RHPN2: variants seen among roughly 807,000 people sequenced by gnomAD.
RHPN2 encodes the protein rhophilin-2.
A neutral mutation model predicts 79.0 loss-of-function variants in RHPN2; 40 were observed. The ratio of observed to expected loss-of-function variants is 0.51; its 90% CI spans 0.39 to 0.66. The LOEUF is 0.66. RHPN2 is among the 30% of genes least tolerant of loss of function. The pLI is 0.00. For missense variants in RHPN2, 686 were observed against 883.5 expected (o/e 0.78, Z 2.83); for synonymous variants, 285 against 363.5 (o/e 0.78, Z 2.46).
At chr19:33,000,725 A>C (rs1298447098) in intron 9 of RHPN2, among the ~76,000 whole-genome samples, 1 of 151,960 alleles carries the variant, frequency 6.6e-6, no homozygotes, top group African/African-American at 2.4e-5. Flanking sequence ...CCACTTCCCC[A>C]GCACCCTCCG....
chr19:33,032,585 A>T (rs1368027009), intron 2 of RHPN2, among the ~76,000 whole-genome samples: 1 of 152,120 alleles, frequency 6.6e-6, no homozygotes. Flanking sequence ...ACAAAGACCA[A>T]ATATTTATCT....
chr19:33,026,339 G>T (rs776137798), intron 3 of RHPN2, among the ~76,000 whole-genome samples, 165 bp downstream of exon 3: 1 of 151,914 alleles, frequency 6.6e-6, no homozygotes, highest in Non-Finnish European at 1.5e-5. Flanking sequence ...ATCCCTTCCA[G>T]TCTAGCACCT....
At position 32,995,960 on chromosome 19, in the gene RHPN2, A is replaced by G. The variant is rs1971696935; in HGVS notation, c.1420+66T>C. On this transcript the variant is annotated intron_variant, in intron 11 of 14. Transcript: ENST00000254260. ...CAGCGAGGGCTCGCTCAACCCCCAC[A>G]GGCCAGGCGTACTCTTTCCGCGGCA... 2.4e-5 allele frequency: 37 copies of G among 1,519,458 alleles called. 2 individuals are homozygous for G. In the South Asian group the frequency reaches 4.1e-4, roughly 17 times the overall value. The allele number at this position is 1,519,458 out of a possible 1,614,324, so 94.1% of individuals were successfully genotyped here. A position where few individuals can be genotyped will look rare whatever the true frequency, so the allele number is the denominator to read the frequency against.
At chr19:33,005,459 G>T (rs56964508) in intron 7 of RHPN2, among the ~76,000 whole-genome samples, 36,049 of 148,328 alleles carry the variant, frequency 0.24, 4,691 homozygotes, top group Non-Finnish European at 0.28. Flanking sequence ...CTGCTCCAAT[G>T]GAAATTTTCA....
intron 1 of RHPN2, among the ~76,000 whole-genome samples, chr19:33,044,934 G>A (rs1351824216): frequency 6.6e-6 from 1 of 152,064 alleles, no homozygotes; most frequent in Non-Finnish European, 1.5e-5. Context: ...CTCTAGGGCA[G>A]AGTTATAAGA....
At chr19:33,030,116 A>G (rs148943678) in intron 2 of RHPN2, among the ~76,000 whole-genome samples, 1,659 of 152,284 alleles carry the variant, frequency 0.011, 30 homozygotes, top group African/African-American at 0.038. Context: ...GAATGGTGAG[A>G]ACACTCGTAA....
intron 12 of RHPN2, 21 bp downstream of exon 12, chr19:32,993,956 T>C: frequency 3.8e-6 from 6 of 1,576,860 alleles, no homozygotes; most frequent in East Asian, 2.2e-5. Flanking sequence ...GTCATTTGAA[T>C]GTAGAGAGCA....
At chr19:33,045,039 CTGAG>C (rs1011273304) in intron 1 of RHPN2, among the ~76,000 whole-genome samples, 2 of 149,950 alleles carry the variant, frequency 1.3e-5, no homozygotes, top group African/African-American at 4.9e-5. Flanking sequence ...CTCACTGTTA[CTGAG>C]TATCTACTTT....
At chr19:33,058,547 C>CAAGGTGCGCGGATCACTT in intron 1 of RHPN2, among the ~76,000 whole-genome samples, 1 of 152,160 alleles carries the variant, frequency 6.6e-6, no homozygotes, top group East Asian at 1.9e-4. Flanking sequence ...TTTGGGAGGC[C>CAAGGTGCGCGGATCACTT]GAGGCAGGTG....
intron 10 of RHPN2, among the ~76,000 whole-genome samples, chr19:32,998,113 C>T (rs188825816): frequency 6.6e-6 from 1 of 152,292 alleles, no homozygotes; most frequent in East Asian, 1.9e-4. Flanking sequence ...GGAAAACCCG[C>T]TATGAGCAGG....
intron 1 of RHPN2, 29 bp downstream of exon 1, chr19:33,064,755 T>TGGCCCCCC: frequency 2.2e-5 from 32 of 1,427,912 alleles, no homozygotes; most frequent in Non-Finnish European, 2.7e-5. Flanking sequence ...AGCCCGCAGG[T>TGGCCCCCC]CCCCGCCCGC....
At chr19:33,063,114 C>T (rs530498816) in intron 1 of RHPN2, among the ~76,000 whole-genome samples, 1 of 152,240 alleles carries the variant, frequency 6.6e-6, no homozygotes, top group South Asian at 2.1e-4. Context: ...AGTCAGGCCC[C>T]GGGGCCCGAG....
chr19:32,983,510 C>G (rs1971593295), intron 14 of RHPN2, among the ~76,000 whole-genome samples: 1 of 148,408 alleles, frequency 6.7e-6, no homozygotes, highest in Admixed American at 7.1e-5. Context: ...ACGAGACTGT[C>G]TCAAAAAAAA....
intron 1 of RHPN2, among the ~76,000 whole-genome samples, chr19:33,053,749 G>C (rs893294874): frequency 6.6e-6 from 1 of 151,888 alleles, no homozygotes; most frequent in Non-Finnish European, 1.5e-5. Flanking sequence ...TTTTTTACTA[G>C]AGACGTGGTT....
chr19:32,984,436 A>G (rs1971599627), intron 14 of RHPN2, among the ~76,000 whole-genome samples: 1 of 152,158 alleles, frequency 6.6e-6, no homozygotes. Context: ...AGGCGGGCCA[A>G]TCACCGGAGG....
At chr19:33,037,215 G>A (rs1972065781) in intron 2 of RHPN2, among the ~76,000 whole-genome samples, 1 of 152,188 alleles carries the variant, frequency 6.6e-6, no homozygotes, top group South Asian at 2.1e-4. Flanking sequence ...AATCAACACT[G>A]TATCTAGCTA....
At chr19:32,982,659 C>G (rs1472225655) in intron 14 of RHPN2, among the ~76,000 whole-genome samples, 1 of 151,992 alleles carries the variant, frequency 6.6e-6, no homozygotes, top group Non-Finnish European at 1.5e-5. Context: ...TGCTCAAAGT[C>G]CATTGTGTAT....
chr19:33,046,758 A>G (rs10423468), intron 1 of RHPN2, among the ~76,000 whole-genome samples: 6,595 of 152,140 alleles, frequency 0.043, 463 homozygotes, highest in African/African-American at 0.15. Context: ...GTGGTTTTGA[A>G]TTGTGTCTCC....
In RHPN2 at chr19:33,064,130, G is replaced by GC. The variant is rs553289622; in HGVS notation, c.69+653dup. On this transcript the variant is annotated intron_variant, in intron 1 of 14. Coordinates refer to ENST00000254260, the MANE Select transcript of RHPN2 (RefSeq NM_033103.5). ...AGACCGGGGCGGGAGGATCCCTTGA[G>GC]CCCAAGAGTTCGCGACCAGTCTGGG... Among the ~76,000 whole-genome samples, 1,176 of 152,272 alleles carry GC rather than the reference G, an allele frequency of 7.7e-3. 13 individuals are homozygous for GC. Among genetic ancestry groups the GC allele is most frequent in the African/African-American group, 0.027 (1,129 of 41,558 alleles).
Sources: gnomAD v4.1 joint callset for allele counts (sites outside exome capture counted in the v4.1 genomes callset) on GRCh38, gnomAD v4.1.1 for gene constraint, MANE v1.5 for transcripts, NCBI Gene and HGNC (gene_info 2026-07-23, HGNC 2026-07-21) for gene names.